Variants in CEP97 observed in about 807,000 individuals in gnomAD.
CEP97 encodes centrosomal protein of 97 kDa.
A neutral mutation model predicts 73.1 loss-of-function variants in CEP97; 43 were observed. That is an observed-to-expected ratio of 0.59 (90% CI 0.46 to 0.76). CEP97 has a LOEUF of 0.76. CEP97 is among the 30% of genes least tolerant of loss of function. The pLI, the probability that CEP97 is intolerant of heterozygous loss-of-function variation, is 0.00. For synonymous variants in CEP97, 337 were observed against 370.0 expected, an observed-to-expected ratio of 0.91 and a Z score of 1.02; for missense variants, 939 against 1,014.0, an observed-to-expected ratio of 0.93 and a Z score of 1.00.
chr3:101,763,015 G>A (rs1401621333), intron 10 of CEP97: 1 of 1,172,688 alleles, frequency 8.5e-7, no homozygotes, highest in Non-Finnish European at 1.1e-6. Flanking sequence ...AGTTTAGGCA[G>A]TTGGTTTTAC....
At chr3:101,726,762 T>A (rs201237486) in intron 2 of CEP97, 26 bp downstream of exon 2, 171 of 1,509,356 alleles carry the variant, frequency 1.1e-4, no homozygotes, top group Non-Finnish European at 1.5e-4. Flanking sequence ...TGGGAAATGG[T>A]TACATAGGAT....
At chr3:101,757,275 A>G in intron 8 of CEP97, 79 bp downstream of exon 8, 7 of 1,478,752 alleles carry the variant, frequency 4.7e-6, no homozygotes, top group Non-Finnish European at 6.3e-6. Context: ...AAAAAGGTGC[A>G]TATTTTCATA....
At chr3:101,762,337 TA>T (rs1576702034) in intron 9 of CEP97, 147 bp from the exon 10 acceptor site, 1 of 435,606 alleles carries the variant, frequency 2.3e-6, no homozygotes, top group East Asian at 3.9e-5. Context: ...AAAAATAAAA[TA>T]AGGTTTTAAT....
At chr3:101,756,363 T>TC (rs1444669027) in intron 7 of CEP97, among the ~76,000 whole-genome samples, 2 of 148,068 alleles carry the variant, frequency 1.4e-5, no homozygotes, top group East Asian at 2.0e-4. Context: ...CTGCCACCCC[T>TC]CCCCCTTTTT....
rs143985824 is a variant in CEP97, at chr3:101,733,185, A to G, written c.728+531A>G. On this transcript the variant is annotated intron_variant, in intron 6 of 10. Transcript: ENST00000341893. ...AGCTAGTAGTCTTAGTGCCCTACAT[A>G]CAACAATTTGATTTCTAAAAGTTCT... 5.8e-4 allele frequency among the ~76,000 whole-genome samples: 89 copies of G among 152,294 alleles called. 2 individuals are homozygous for G. The East Asian group carries it at 0.013, about 22-fold the overall frequency.
intron 6 of CEP97, among the ~76,000 whole-genome samples, chr3:101,753,541 C>G (rs1455647662): frequency 6.6e-6 from 1 of 152,262 alleles, no homozygotes. Context: ...CCTCCTTGAG[C>G]TGTGGTGGGC....
Position 101,757,618 on chromosome 3 carries a change from C to A in CEP97, c.1028-16C>A. 3 of 1,600,540 alleles carry A rather than the reference C, an allele frequency of 1.9e-6. No homozygotes were observed. Among genetic ancestry groups the A allele is most frequent in the Non-Finnish European group, 2.6e-6 (3 of 1,170,772 alleles). ...AACATTTAGTGGTTTAAATGATACT[C>A]TGTTGATTCTTCTAGAACCCGTCAT... is the stretch of plus-strand genomic sequence containing the variant. On this transcript the variant is annotated splice_polypyrimidine_tract_variant and intron_variant, in intron 8 of 10. Transcript: ENST00000341893.
In CEP97 at chr3:101,732,643, T is replaced by C; in HGVS notation, c.717T>C (p.Ser239=). 1 of 1,604,898 alleles carries C rather than the reference T, an allele frequency of 6.2e-7. No individual in the cohort carries two copies. Among genetic ancestry groups the C allele is most frequent in the Non-Finnish European group, 8.5e-7 (1 of 1,173,964 alleles). The change falls in exon 6 of 11, where the codon TCT becomes TCC. Residue 239 remains serine, a synonymous_variant. Coordinates refer to ENST00000341893, the MANE Select transcript of CEP97 (RefSeq NM_024548.4). The part of the protein sequence containing the change: ...NLRVLDGYVI[S]QKESLKAEWL... Reference sequence around the variant, plus strand: ...GAGTCCTAGATGGATATGTGATTTCTCAGAAGGAAAGGTAAACATGTGCTC... The same window carrying C: ...GAGTCCTAGATGGATATGTGATTTCCCAGAAGGAAAGGTAAACATGTGCTC...
chr3:101,724,784 C>G, intron 1 of CEP97, 65 bp downstream of exon 1: 2 of 1,537,604 alleles, frequency 1.3e-6, no homozygotes, highest in Non-Finnish European at 1.8e-6. Context: ...TAGTGGAGAG[C>G]AGAAAACCTA....
intron 6 of CEP97, among the ~76,000 whole-genome samples, chr3:101,740,523 T>G (rs1938415510): frequency 6.6e-6 from 1 of 151,668 alleles, no homozygotes; most frequent in African/African-American, 2.4e-5. Flanking sequence ...ATCAATATTG[T>G]GAAAATGGCC....
In CEP97 at chr3:101,765,619, T is replaced by C. The variant is rs1321601469; in HGVS notation, c.*68T>C. 24 of 1,328,068 alleles carry C rather than the reference T, an allele frequency of 1.8e-5. No individual in the cohort carries two copies. The highest frequency in any genetic ancestry group is 1.9e-4 in the Middle Eastern group (1 of 5,250). The allele number at this position is 1,328,068 out of a possible 1,614,324, so 82.3% of individuals were successfully genotyped here. On this transcript the variant is annotated 3_prime_UTR_variant, in exon 11 of 11. Coordinates refer to ENST00000341893, the MANE Select transcript of CEP97 (RefSeq NM_024548.4). ...AATACTTTCAGTTGCCTTTGCTTTT[T>C]TTTGGAGGGAAATACTCCCTACCCC...
intron 6 of CEP97, among the ~76,000 whole-genome samples, chr3:101,748,340 G>A (rs759276730): frequency 6.6e-6 from 1 of 151,814 alleles, no homozygotes; most frequent in Non-Finnish European, 1.5e-5. Flanking sequence ...AGCAGTTGAC[G>A]ATCTACAGTT....
chr3:101,757,094 C>G lies in CEP97; in HGVS notation c.925C>G (p.Gln309Glu). ...FHQRQLMNQS[Q>E]NEELSPLVPV... ...CCAGAGGCAGTTGATGAACCAAAGCCAAAATGAAGAGTTGTCTCCTCTTGT... is the reference window on the plus strand; with the variant it reads ...CCAGAGGCAGTTGATGAACCAAAGCGAAAATGAAGAGTTGTCTCCTCTTGT... The change falls in exon 8 of 11, where the codon CAA (glutamine) becomes GAA (glutamate). Residue 309 changes from glutamine to glutamate, a missense_variant. Coordinates refer to ENST00000341893, the MANE Select transcript of CEP97 (RefSeq NM_024548.4). 1 of 1,611,784 alleles carries G rather than the reference C, an allele frequency of 6.2e-7. No individual in the cohort carries two copies. The highest frequency in any genetic ancestry group is 1.7e-5 in the Admixed American group (1 of 59,528).
chr3:101,758,216 T>C lies in CEP97; in HGVS notation c.1610T>C (p.Leu537Pro), dbSNP rs1223669789. 4 of 1,613,984 alleles carry C rather than the reference T, an allele frequency of 2.5e-6. No individual in the cohort carries two copies. In the East Asian group the frequency reaches 8.9e-5, roughly 36 times the overall value. ...ETISQATSEK[L>P]PMILTQRSVA... ...ATATCTCAAGCAACTTCAGAGAAAC[T>C]TCCCATGATTTTAACCCAGAGATCT... Residue 537 changes from leucine to proline, a missense_variant, in exon 9 of 11, where the codon CTT becomes CCT. Coordinates refer to ENST00000341893, the MANE Select transcript of CEP97 (RefSeq NM_024548.4).
At position 101,765,063 on chromosome 3, in the gene CEP97, C is replaced by T. The variant is rs199770926; in HGVS notation, c.2110C>T (p.His704Tyr). 5.3e-5 allele frequency: 86 copies of T among 1,614,128 alleles called. No homozygotes were observed. The highest frequency in any genetic ancestry group is 6.4e-5 in the Non-Finnish European group (75 of 1,180,014). Reference sequence around the variant, plus strand: ...ACCAGAATTTCCAGACTCTGGTTTTCATTCCTCTCTAACAGAACAAGTTCA... The same window carrying T: ...ACCAGAATTTCCAGACTCTGGTTTTTATTCCTCTCTAACAGAACAAGTTCA... ...SLPEFPDSGF[H>Y]SSLTEQVHSL... Residue 704 changes from histidine to tyrosine, a missense_variant, in exon 11 of 11, where the codon CAT (histidine) becomes TAT (tyrosine). Physicochemically the swap from His to Tyr is moderately conservative, Grantham distance 83. Transcript: ENST00000341893.
chr3:101,735,628 G>A (rs139047462), intron 6 of CEP97, among the ~76,000 whole-genome samples: 208 of 152,278 alleles, frequency 1.4e-3, no homozygotes, highest in African/African-American at 4.7e-3. Context: ...TGGGGAAGCC[G>A]TGAGGGACTG....
chr3:101,745,845 G>A (rs1467575208), intron 6 of CEP97, among the ~76,000 whole-genome samples: 1 of 151,922 alleles, frequency 6.6e-6, no homozygotes, highest in South Asian at 2.1e-4. Flanking sequence ...ATGCTGGTGT[G>A]CTACACCCAC....
At chr3:101,739,141 A>G (rs1938368347) in intron 6 of CEP97, among the ~76,000 whole-genome samples, 1 of 152,230 alleles carries the variant, frequency 6.6e-6, no homozygotes, top group African/African-American at 2.4e-5. Context: ...AGCCCTGAAT[A>G]GATCAATAAC....
At chr3:101,738,883 A>G (rs1369850706) in intron 6 of CEP97, among the ~76,000 whole-genome samples, 1 of 152,214 alleles carries the variant, frequency 6.6e-6, no homozygotes, top group Non-Finnish European at 1.5e-5. Flanking sequence ...CAAAAAATCA[A>G]TGAATTCAGG....
Sources: allele counts gnomAD v4.1 joint callset (sites outside exome capture counted in the v4.1 genomes callset), GRCh38; gene constraint gnomAD v4.1.1; transcripts MANE v1.5; gene names NCBI Gene and HGNC (gene_info 2026-07-23, HGNC 2026-07-21).